CHCT1: variants seen among roughly 807,000 people sequenced by gnomAD.
CHCT1 encodes CHD1 helical C-terminal domain containing 1, also known as CHD1 helical C-terminal domain containing protein 1.
chr17:60,429,214 C>A, the CHCT1 span: 2 of 811,580 alleles, frequency 2.5e-6, no homozygotes, highest in Non-Finnish European at 3.8e-6. Flanking sequence ...TTCTCTCCCA[C>A]ATCTGTGATT....
At chr17:60,422,451 T>C in the CHCT1 span, 3 of 1,514,678 alleles carry the variant, frequency 2.0e-6, no homozygotes, top group South Asian at 1.2e-5. Context: ...GGGTTCTGTG[T>C]TGGCGGTTGC....
chr17:60,426,331 G>A, the CHCT1 span: 1 of 1,550,822 alleles, frequency 6.4e-7, no homozygotes, highest in Non-Finnish European at 8.7e-7. Context: ...TCAAACACTG[G>A]AGAAAGTAGG....
chr17:60,428,448 T>A, the CHCT1 span, among the ~76,000 whole-genome samples: 2 of 152,082 alleles, frequency 1.3e-5, no homozygotes, highest in Non-Finnish European at 2.9e-5. Context: ...AGCTGCCACT[T>A]TACTGATTTC....
At chr17:60,423,695 G>A in the CHCT1 span, among the ~76,000 whole-genome samples, 1 of 152,006 alleles carries the variant, frequency 6.6e-6, no homozygotes. Flanking sequence ...TGAACTTCTG[G>A]GCTCAAGCAA....
the CHCT1 span, among the ~76,000 whole-genome samples, chr17:60,427,866 G>A: frequency 6.6e-6 from 1 of 151,986 alleles, no homozygotes; most frequent in Non-Finnish European, 1.5e-5. Context: ...CTCCCCTGGC[G>A]ACCACTGATC....
chr17:60,421,851 C>T, the CHCT1 span: 45 of 985,244 alleles, frequency 4.6e-5, no homozygotes, highest in African/African-American at 7.5e-4. Context: ...GGTGGCTGCG[C>T]ACACGAGGCC....
the CHCT1 span, chr17:60,431,422 C>A: frequency 1.7e-6 from 1 of 592,266 alleles, no homozygotes; most frequent in Non-Finnish European, 3.0e-6. Context: ...GACAGTTCTA[C>A]CTTACTTGAC....
At chr17:60,429,449 C>T in the CHCT1 span, 1 of 1,614,158 alleles carries the variant, frequency 6.2e-7, no homozygotes, top group African/African-American at 1.3e-5. Context: ...TGCATGGGGG[C>T]TGCACAGCAA....
At chr17:60,425,856 A>C in the CHCT1 span, 1 of 1,551,732 alleles carries the variant, frequency 6.4e-7, no homozygotes, top group Non-Finnish European at 8.7e-7. Context: ...CGCCATGCCA[A>C]GGGCCTGGAT....
chr17:60,422,246 C>A, the CHCT1 span: 1 of 346,482 alleles, frequency 2.9e-6, no homozygotes, highest in Non-Finnish European at 5.4e-6. Context: ...ACAGCCTTAC[C>A]AGGTGGTGTC....
the CHCT1 span, chr17:60,421,244 T>A: frequency 1.7e-6 from 1 of 582,498 alleles, no homozygotes; most frequent in East Asian, 1.4e-4. Context: ...TTCCTCCCCT[T>A]ACAACAACAA....
At chr17:60,428,090 C>T in the CHCT1 span, among the ~76,000 whole-genome samples, 1 of 152,150 alleles carries the variant, frequency 6.6e-6, no homozygotes, top group Non-Finnish European at 1.5e-5. Flanking sequence ...GAATAATAAT[C>T]ATAGATAAAG....
At chr17:60,422,411 A>G in the CHCT1 span, 1 of 1,445,416 alleles carries the variant, frequency 6.9e-7, no homozygotes, top group South Asian at 1.3e-5. Context: ...CACCCCTAAG[A>G]ATGAGGAAAT....
the CHCT1 span, among the ~76,000 whole-genome samples, chr17:60,425,270 C>T: frequency 6.6e-6 from 1 of 152,188 alleles, no homozygotes; most frequent in African/African-American, 2.4e-5. Context: ...CAACCTTCAA[C>T]TCCTGGACAC....
At chr17:60,429,662 C>G in the CHCT1 span, 32 of 1,121,486 alleles carry the variant, frequency 2.9e-5, no homozygotes, top group East Asian at 3.0e-4. Flanking sequence ...CCTCTGCCCC[C>G]AGCCTGACAA....
chr17:60,426,758 G>A, the CHCT1 span: 1 of 1,611,402 alleles, frequency 6.2e-7, no homozygotes, highest in South Asian at 1.1e-5. Flanking sequence ...GGAGCTGGAA[G>A]CAAAGCAGCT....
At chr17:60,422,912 G>T in the CHCT1 span, among the ~76,000 whole-genome samples, 34 of 152,124 alleles carry the variant, frequency 2.2e-4, no homozygotes, top group Admixed American at 2.1e-3. Flanking sequence ...GTGTGTGGTT[G>T]TGTGGTGTGT....
the CHCT1 span, among the ~76,000 whole-genome samples, chr17:60,427,779 C>T: frequency 2.0e-5 from 3 of 152,028 alleles, no homozygotes; most frequent in Non-Finnish European, 4.4e-5. Context: ...TCTACCATTA[C>T]AGTATGATAT....
chr17:60,426,116 C>T, the CHCT1 span: 1 of 1,538,284 alleles, frequency 6.5e-7, no homozygotes, highest in Non-Finnish European at 8.8e-7. Context: ...CCATCTGCCT[C>T]TTCTTTTCTC....
Sources: allele counts gnomAD v4.1 joint callset (sites outside exome capture counted in the v4.1 genomes callset), GRCh38; gene constraint gnomAD v4.1.1; transcripts MANE v1.5; gene names NCBI Gene and HGNC (gene_info 2026-07-23, HGNC 2026-07-21).